The following NHLRC2 variants were observed in gnomAD, a reference collection of about 807,000 sequenced individuals.
The protein encoded by NHLRC2 is NHL repeat containing 2.
A neutral mutation model predicts 68.1 loss-of-function variants in NHLRC2; 33 were observed. The ratio of observed to expected loss-of-function variants is 0.48; its 90% CI spans 0.37 to 0.65. The LOEUF (loss-of-function observed/expected upper bound fraction) is 0.65, where lower values mean the gene tolerates loss of function less well. NHLRC2 is among the 30% of genes least tolerant of loss of function. NHLRC2 has a pLI of 0.00. For synonymous variants in NHLRC2, 311 were observed against 309.6 expected, an observed-to-expected ratio of 1.00 and a Z score of -0.05; for missense variants, 761 against 853.8, an observed-to-expected ratio of 0.89 and a Z score of 1.35.
intron 2 of NHLRC2, among the ~76,000 whole-genome samples, chr10:113,866,098 A>G (rs1845865494): frequency 1.3e-5 from 2 of 152,372 alleles, no homozygotes; most frequent in Non-Finnish European, 2.9e-5. Context: ...GCCCAATTTC[A>G]TAATCAACTT....
Position 113,908,473 on chromosome 10 carries a change from T to C in NHLRC2, c.2118T>C (p.Pro706=). The C allele has an allele frequency of 6.2e-7, 1 of 1,614,054 alleles. No homozygotes were observed. Among genetic ancestry groups the C allele is most frequent in the South Asian group, 1.1e-5 (1 of 91,070 alleles). Residue 706 remains proline, a synonymous_variant, in exon 11 of 11, where the codon CCT becomes CCC. Transcript: ENST00000369301. The part of the protein sequence containing the change: ...CMMKAILFSQ[P]LQITDTQQGC... ...TGAAGGCAATTTTGTTCAGTCAGCC[T>C]TTACAAATAACGGATACACAGCAAG...
chr10:113,903,039 C>T (rs927373125), intron 8 of NHLRC2, among the ~76,000 whole-genome samples: 7 of 151,984 alleles, frequency 4.6e-5, no homozygotes, highest in Non-Finnish European at 5.9e-5. Flanking sequence ...TTACTTTTTA[C>T]AAAAATCAGT....
At chr10:113,870,366 CT>C (rs1011545562) in intron 2 of NHLRC2, among the ~76,000 whole-genome samples, 5 of 151,780 alleles carry the variant, frequency 3.3e-5, no homozygotes, top group Non-Finnish European at 4.4e-5. Flanking sequence ...TTAAAATTTC[CT>C]TTTTTTTAAA....
At chr10:113,870,125 C>T (rs2134698269) in intron 2 of NHLRC2, among the ~76,000 whole-genome samples, 1 of 152,224 alleles carries the variant, frequency 6.6e-6, no homozygotes, top group South Asian at 2.1e-4. Flanking sequence ...ATTACTTAGG[C>T]TATTCCTTCC....
chr10:113,891,135 C>T (rs1416048414), intron 5 of NHLRC2, among the ~76,000 whole-genome samples: 3 of 152,264 alleles, frequency 2.0e-5, no homozygotes, highest in Middle Eastern at 3.4e-3. Flanking sequence ...CACGGCCAAA[C>T]CATATCATTT....
intron 1 of NHLRC2, among the ~76,000 whole-genome samples, chr10:113,858,258 T>TA (rs1398013503): frequency 1.3e-5 from 2 of 152,066 alleles, no homozygotes; most frequent in African/African-American, 2.4e-5. Flanking sequence ...TCTCTGCTAA[T>TA]TTGCCTTTTT....
rs1476585967 is a variant in NHLRC2 at position 113,879,679 on chromosome 10, A to G, written c.893A>G (p.Asn298Ser). ...NNIIYVADTENHLIRKIDLEA... is the reference protein window; with the variant it reads ...NNIIYVADTESHLIRKIDLEA... ...ATCATATATGTGGCAGACACTGAAA[A>G]CCACCTTATAAGAAAGGTAATTTTC... Residue 298 changes from asparagine to serine, a missense_variant, in exon 4 of 11, where the codon AAC (asparagine) becomes AGC (serine). Physicochemically the swap from Asn to Ser is conservative, Grantham distance 46. Coordinates refer to ENST00000369301, the MANE Select transcript of NHLRC2 (RefSeq NM_198514.4). The G allele has an allele frequency of 6.6e-7, 1 of 1,503,874 alleles. No homozygotes were observed. The allele number at this position is 1,503,874 out of a possible 1,614,324, so 93.2% of individuals were successfully genotyped here.
intron 2 of NHLRC2, among the ~76,000 whole-genome samples, chr10:113,863,619 A>G (rs1036097717): frequency 1.3e-5 from 2 of 152,162 alleles, no homozygotes; most frequent in East Asian, 3.8e-4. Context: ...GGAAATAAAG[A>G]TTCAAGCAGG....
chr10:113,878,041 C>T (rs1216491281), intron 3 of NHLRC2, among the ~76,000 whole-genome samples: 1 of 152,190 alleles, frequency 6.6e-6, no homozygotes, highest in Non-Finnish European at 1.5e-5. Context: ...CAGCAAGCTA[C>T]ACTACCCAAA....
At chr10:113,898,452 G>C (rs886392145) in intron 6 of NHLRC2, among the ~76,000 whole-genome samples, 1 of 152,142 alleles carries the variant, frequency 6.6e-6, no homozygotes, top group Non-Finnish European at 1.5e-5. Context: ...CGGGAGCTTC[G>C]CCAGTCATCC....
intron 2 of NHLRC2, among the ~76,000 whole-genome samples, chr10:113,870,453 A>T (rs1022534990): frequency 1.3e-5 from 2 of 152,216 alleles, no homozygotes; most frequent in African/African-American, 4.8e-5. Context: ...GAGTCACTTC[A>T]TAACAGTTCA....
At chr10:113,873,161 A>C (rs1454460574) in intron 2 of NHLRC2, among the ~76,000 whole-genome samples, 2 of 152,180 alleles carry the variant, frequency 1.3e-5, no homozygotes, top group African/African-American at 4.8e-5. Flanking sequence ...CCATAAACCA[A>C]AGAGATTATA....
At position 113,870,611 on chromosome 10, in the gene NHLRC2, T is replaced by C. The variant is rs147102715; in HGVS notation, c.332-5910T>C. ...TAAGCAATAAATAATCTTGTAGATA[T>C]GCTTTTGTCTTGCTGGTGGAATCAC... On this transcript the variant is annotated intron_variant, in intron 2 of 10. Transcript: ENST00000369301. Among the ~76,000 whole-genome samples the C allele has an allele frequency of 2.4e-3, 368 of 152,356 alleles. 1 individual carries two copies. The highest frequency in any genetic ancestry group is 8.6e-3 in the African/African-American group (359 of 41,586).
In NHLRC2 at chr10:113,876,306, G is replaced by A. The variant is rs576259012; in HGVS notation, c.332-215G>A. ...AATAGCCATATGAATTTGATCATGT[G>A]TGTTTTTATGTAGTAATCAAGATTG... On this transcript the variant is annotated intron_variant, in intron 2 of 10. Transcript: ENST00000369301. Among the ~76,000 whole-genome samples the A allele has an allele frequency of 2.5e-3, 387 of 152,066 alleles. 4 individuals are homozygous for A. Among genetic ancestry groups the A allele is most frequent in the African/African-American group, 9.0e-3 (374 of 41,512 alleles).
rs1252207779 is a variant in NHLRC2, at chr10:113,916,305, C to CT, written c.*7771dup. 6.6e-6 allele frequency: 1 copy of CT among 152,192 alleles called. No individual in the cohort carries two copies. Among genetic ancestry groups the CT allele is most frequent in the Non-Finnish European group, 1.5e-5 (1 of 68,038 alleles). 9.4% of individuals were successfully genotyped at this position (152,192 alleles called of 1,614,324 possible). A position where few individuals can be genotyped will look rare whatever the true frequency, so the allele number is the denominator to read the frequency against. ...ATAAACTACTGCTTCCTCTCCACAGCTTAGGCCTCCCTCTTACTAAAAACA... is the reference window on the plus strand; with the variant it reads ...ATAAACTACTGCTTCCTCTCCACAGCTTTAGGCCTCCCTCTTACTAAAAACA... On this transcript the variant is annotated 3_prime_UTR_variant, in exon 11 of 11. Transcript: ENST00000369301.
intron 6 of NHLRC2, among the ~76,000 whole-genome samples, chr10:113,900,630 CT>C: frequency 6.6e-6 from 1 of 152,206 alleles, no homozygotes; most frequent in Middle Eastern, 3.4e-3. Flanking sequence ...AAGGAAACTC[CT>C]TTTTAAAGTA....
chr10:113,857,197 C>CT (rs890005294), intron 1 of NHLRC2, among the ~76,000 whole-genome samples: 101 of 152,080 alleles, frequency 6.6e-4, no homozygotes, highest in African/African-American at 2.3e-3. Context: ...AGCACGGTGA[C>CT]TAAGATGTAG....
Position 113,876,879 on chromosome 10 carries a change from A to T in NHLRC2, c.690A>T (p.Thr230=). The change falls in exon 3 of 11, where the codon ACA becomes ACT. Residue 230 remains threonine (T), a synonymous_variant. Transcript: ENST00000369301. ...PSPLLFPGKV[T]VDQVTDRLVI... ...CATTGCTATTTCCTGGCAAAGTAAC[A>T]GTAGACCAAGTTACTGATAGATTGG... 3.1e-6 allele frequency: 5 copies of T among 1,613,012 alleles called. No individual in the cohort carries two copies. The highest frequency in any genetic ancestry group is 4.2e-6 in the Non-Finnish European group (5 of 1,179,276).
At chr10:113,908,154 G>A (rs546396695) in intron 10 of NHLRC2, 126 bp from the exon 11 acceptor site, 15 of 683,624 alleles carry the variant, frequency 2.2e-5, no homozygotes, top group South Asian at 3.9e-5. Context: ...CCCACAGACC[G>A]CAATGCCTGG....
Sources: allele counts gnomAD v4.1 joint callset (sites outside exome capture counted in the v4.1 genomes callset), GRCh38; gene constraint gnomAD v4.1.1; transcripts MANE v1.5; gene names NCBI Gene and HGNC (gene_info 2026-07-23, HGNC 2026-07-21).